Variants in SLC25A26 observed in about 807,000 individuals in gnomAD.
SLC25A26 encodes mitochondrial S-adenosylmethionine carrier protein.
SLC25A26 carries 36 observed loss-of-function variants against 37.8 expected under a neutral mutation model. That is an observed-to-expected ratio of 0.95 (90% confidence interval 0.73 to 1.26). The LOEUF (loss-of-function observed/expected upper bound fraction) is 1.26. Among genes scored for constraint, SLC25A26 ranks in the 50% most tolerant of loss-of-function variants. The pLI, the probability that SLC25A26 is intolerant of heterozygous loss-of-function variation, is 0.00. For synonymous variants in SLC25A26, 129 were observed against 122.5 expected, an observed-to-expected ratio of 1.05 and a Z score of -0.35; for missense variants, 390 against 331.1, an observed-to-expected ratio of 1.18 and a Z score of -1.38.
intron 1 of SLC25A26, among the ~76,000 whole-genome samples, chr3:66,193,338 A>C (rs2070981522): frequency 6.6e-6 from 1 of 152,208 alleles, no homozygotes. Context: ...GCCCAGGTCA[A>C]CAGAGGTTCC....
intron 5 of SLC25A26, among the ~76,000 whole-genome samples, chr3:66,317,933 G>C (rs1183261182): frequency 3.9e-5 from 6 of 152,172 alleles, no homozygotes; most frequent in Non-Finnish European, 7.3e-5. Flanking sequence ...AGTTGCTTCT[G>C]GTCCAAACCA....
intron 1 of SLC25A26, among the ~76,000 whole-genome samples, chr3:66,214,837 G>GT: frequency 6.6e-6 from 1 of 152,006 alleles, no homozygotes; most frequent in East Asian, 1.9e-4. Flanking sequence ...ATAGAAAAAT[G>GT]TTTACCTTGG....
intron 3 of SLC25A26, among the ~76,000 whole-genome samples, chr3:66,248,514 A>G (rs941332722): frequency 6.6e-6 from 1 of 152,232 alleles, no homozygotes; most frequent in African/African-American, 2.4e-5. Context: ...CTTTTCTTCA[A>G]AGGTTTTAAG....
At chr3:66,209,432 G>A (rs1466551546) in intron 1 of SLC25A26, among the ~76,000 whole-genome samples, 1 of 136,242 alleles carries the variant, frequency 7.3e-6, no homozygotes, top group Non-Finnish European at 1.5e-5. Flanking sequence ...TCTATATATA[G>A]TCACATAAAG....
At chr3:66,280,476 A>G (rs1036413179) in intron 5 of SLC25A26, among the ~76,000 whole-genome samples, 8 of 152,184 alleles carry the variant, frequency 5.3e-5, no homozygotes, top group Non-Finnish European at 1.0e-4. Context: ...TCTGTTTAAT[A>G]CCAGTGAGAA....
Position 66,296,589 on chromosome 3 carries a change from T to C in SLC25A26, c.453+33210T>C, listed in dbSNP as rs543192230. On this transcript the variant is annotated intron_variant, in intron 5 of 9. Transcript: ENST00000354883. ...TGTGTTCATATGTGAATGTATTGTG[T>C]GTGTATGCATAGTATACTTTTAGGT... Among the ~76,000 whole-genome samples the C allele has an allele frequency of 2.6e-5, 4 of 152,338 alleles. No homozygotes were observed. The East Asian group carries it at 7.7e-4, about 29-fold the overall frequency.
In SLC25A26 at chr3:66,231,363, A is replaced by AT. The variant is rs986777912; in HGVS notation, c.34-5171dup. Among the ~76,000 whole-genome samples, 1,200 of 150,128 alleles carry AT rather than the reference A, an allele frequency of 8.0e-3. 12 individuals are homozygous for AT. The highest frequency in any genetic ancestry group is 0.028 in the African/African-American group (1,126 of 40,906). On this transcript the variant is annotated intron_variant, in intron 1 of 9. Transcript: ENST00000354883. The stretch of plus-strand genomic sequence containing the variant: ...ATCAAGTACAACCAGTAAATTAGAG[A>AT]TTTTTTTTTTCCCCAGGGGAAGCAT...
intron 5 of SLC25A26, among the ~76,000 whole-genome samples, chr3:66,277,061 A>G (rs1022524477): frequency 1.3e-5 from 2 of 152,002 alleles, no homozygotes; most frequent in African/African-American, 4.8e-5. Context: ...CTTTTGATAC[A>G]TATGTACATG....
intron 5 of SLC25A26, among the ~76,000 whole-genome samples, chr3:66,293,482 G>C (rs767100219): frequency 2.0e-5 from 3 of 151,120 alleles, no homozygotes; most frequent in African/African-American, 7.3e-5. Context: ...TTGCCACCCA[G>C]GTACTAAGTC....
chr3:66,244,587 G>T (rs782684979), intron 3 of SLC25A26, among the ~76,000 whole-genome samples: 1 of 152,176 alleles, frequency 6.6e-6, no homozygotes, highest in Admixed American at 6.5e-5. Context: ...CAGAGACATT[G>T]TCATTACAGA....
chr3:66,278,120 C>T (rs895252469), intron 5 of SLC25A26, among the ~76,000 whole-genome samples: 1 of 152,082 alleles, frequency 6.6e-6, no homozygotes, highest in African/African-American at 2.4e-5. Context: ...GATAAGTGTA[C>T]TGTAGTTAAT....
chr3:66,271,826 A>AT (rs748468744), intron 5 of SLC25A26, among the ~76,000 whole-genome samples: 210 of 145,046 alleles, frequency 1.4e-3, no homozygotes, highest in South Asian at 6.5e-3. Context: ...CTGTACCACT[A>AT]TTTTTTTTTT....
At chr3:66,145,194 T>C (rs2070097216) in intron 1 of SLC25A26, among the ~76,000 whole-genome samples, 1 of 152,190 alleles carries the variant, frequency 6.6e-6, no homozygotes, top group African/African-American at 2.4e-5. Flanking sequence ...GAGCAATGAA[T>C]ATCATGTGAA....
chr3:66,215,972 G>A (rs2071355041), intron 1 of SLC25A26, among the ~76,000 whole-genome samples: 1 of 152,172 alleles, frequency 6.6e-6, no homozygotes, highest in Admixed American at 6.5e-5. Flanking sequence ...CCCAGTTCCT[G>A]CTTCCAAGAT....
At chr3:66,304,855 C>T (rs1487112587) in intron 5 of SLC25A26, among the ~76,000 whole-genome samples, 1 of 152,150 alleles carries the variant, frequency 6.6e-6, no homozygotes, top group East Asian at 1.9e-4. Flanking sequence ...AAGAGGATGA[C>T]TTATAACATG....
Position 66,147,695 on chromosome 3 carries a change from A to G in SLC25A26, c.-354+13711A>G, listed in dbSNP as rs192510793. On this transcript the variant is annotated intron_variant, in intron 1 of 10. Coordinates refer to the SLC25A26 transcript ENST00000676754. ...TTTCACAGAGGTTGTACTAATTTAC[A>G]TTCCCACCAGCAATGTAAAAGCCTT... Among the ~76,000 whole-genome samples, 78 of 152,298 alleles carry G rather than the reference A, an allele frequency of 5.1e-4. No individual in the cohort carries two copies. The East Asian group carries it at 6.6e-3, about 13-fold the overall frequency.
chr3:66,365,792 A>G (rs2076810997), intron 7 of SLC25A26, among the ~76,000 whole-genome samples: 1 of 152,166 alleles, frequency 6.6e-6, no homozygotes, highest in African/African-American at 2.4e-5. Context: ...ACATCTGCAC[A>G]CTTCACTGGA....
At chr3:66,305,566 A>T (rs1433960328) in intron 5 of SLC25A26, among the ~76,000 whole-genome samples, 1 of 152,108 alleles carries the variant, frequency 6.6e-6, no homozygotes, top group East Asian at 1.9e-4. Flanking sequence ...TCACCTTGGT[A>T]TTAAGCCCAG....
At chr3:66,322,331 AG>A (rs1256977244) in intron 5 of SLC25A26, among the ~76,000 whole-genome samples, 19 of 152,326 alleles carry the variant, frequency 1.2e-4, no homozygotes, top group African/African-American at 4.6e-4. Flanking sequence ...AAGATATTAA[AG>A]TTTTGGCACA....
Sources: allele counts gnomAD v4.1 joint callset (sites outside exome capture counted in the v4.1 genomes callset), GRCh38; gene constraint gnomAD v4.1.1; transcripts MANE v1.5; gene names NCBI Gene and HGNC (gene_info 2026-07-23, HGNC 2026-07-21).